RAD18: variants seen among roughly 807,000 people sequenced by gnomAD.
RAD18 encodes RAD18 E3 ubiquitin protein ligase.
Under a neutral mutation model 60.4 loss-of-function variants are expected in RAD18, and 47 were observed. The observed-to-expected ratio is 0.78, with a 90% CI of 0.62 to 0.99. The LOEUF is 0.99. RAD18 is among the 50% of genes least tolerant of loss of function. The pLI, the probability that RAD18 is intolerant of heterozygous loss-of-function variation, is 0.00. For missense variants in RAD18, 640 were observed against 593.3 expected (o/e 1.08, Z -0.82); for synonymous variants, 225 against 195.5 (o/e 1.15, Z -1.26).
At chr3:8,940,691 GA>G (rs759365800) in intron 5 of RAD18, among the ~76,000 whole-genome samples, 22 of 152,290 alleles carry the variant, frequency 1.4e-4, no homozygotes, top group Non-Finnish European at 2.8e-4. Flanking sequence ...AAACAGTCCA[GA>G]AAACAAGTGC....
At chr3:8,946,320 T>C (rs560744753) in intron 4 of RAD18, among the ~76,000 whole-genome samples, 2 of 152,344 alleles carry the variant, frequency 1.3e-5, no homozygotes, top group African/African-American at 4.8e-5. Flanking sequence ...CCATATAGAA[T>C]AGGAGTGTAG....
intron 7 of RAD18, among the ~76,000 whole-genome samples, chr3:8,923,619 C>A (rs1208507996): frequency 1.3e-5 from 2 of 152,074 alleles, no homozygotes; most frequent in Non-Finnish European, 2.9e-5. Context: ...TTGACAGATT[C>A]ACCAAAGTTG....
intron 8 of RAD18, 72 bp from the exon 9 acceptor site, chr3:8,912,444 CA>C: frequency 9.7e-7 from 1 of 1,034,386 alleles, no homozygotes; most frequent in Non-Finnish European, 1.4e-6. Flanking sequence ...TACAAACCTT[CA>C]AATCTCAAAT....
Position 8,935,858 on chromosome 3 carries a change from T to C in RAD18, c.889+13A>G. 5 of 1,548,846 alleles carry C rather than the reference T, an allele frequency of 3.2e-6. No individual in the cohort carries two copies. In the South Asian group the frequency reaches 6.2e-5, roughly 19 times the overall value. ...CCAGAAAGTAAGCATAACTCACTGT[T>C]TTATTACTTTACCTGATTTAGGATG... On this transcript the variant is annotated intron_variant, in intron 7 of 12. Transcript: ENST00000264926.
At chr3:8,942,339 T>C (rs1268772837) in intron 4 of RAD18, among the ~76,000 whole-genome samples, 1 of 152,194 alleles carries the variant, frequency 6.6e-6, no homozygotes, top group Non-Finnish European at 1.5e-5. Context: ...CATGACATGC[T>C]GCCCGTCTTT....
chr3:8,891,651 G>A (rs1032380126), intron 11 of RAD18, among the ~76,000 whole-genome samples: 4 of 152,142 alleles, frequency 2.6e-5, no homozygotes, highest in Non-Finnish European at 4.4e-5. Context: ...CAGCTCCCTG[G>A]TGTCTTCAAT....
In RAD18 at chr3:8,913,723, GTTAAAATAAGAAA is replaced by G. The variant is rs1173743467; in HGVS notation, c.890-16_890-4del. 1 of 1,533,040 alleles carries G rather than the reference GTTAAAATAAGAAA, an allele frequency of 6.5e-7. No homozygotes were observed. The highest frequency in any genetic ancestry group is 1.9e-5 in the Admixed American group (1 of 51,312). 95.0% of individuals were successfully genotyped at this position (1,533,040 alleles called of 1,614,324 possible). A position where few individuals can be genotyped will look rare whatever the true frequency, so the allele number is the denominator to read the frequency against. On this transcript the variant is annotated splice_region_variant and splice_polypyrimidine_tract_variant and intron_variant, in intron 7 of 12. Coordinates refer to ENST00000264926, the MANE Select transcript of RAD18 (RefSeq NM_020165.4). Reference sequence around the variant, plus strand: ...GATTTCTCGAACTATTTCAGCAGCTGTTAAAATAAGAAAATAACCACTAGGTTAATCACATGTC... The same window carrying G: ...GATTTCTCGAACTATTTCAGCAGCTGATAACCACTAGGTTAATCACATGTC...
At chr3:8,958,444 T>G (rs1472152726) in intron 2 of RAD18, among the ~76,000 whole-genome samples, 1 of 152,246 alleles carries the variant, frequency 6.6e-6, no homozygotes, top group Non-Finnish European at 1.5e-5. Flanking sequence ...AACATGAGTC[T>G]TTCCAGCGTC....
At chr3:8,885,665 G>A (rs1036473446) in intron 12 of RAD18, among the ~76,000 whole-genome samples, 13 of 152,180 alleles carry the variant, frequency 8.5e-5, no homozygotes, top group Non-Finnish European at 1.6e-4. Flanking sequence ...GGAGGGAAGA[G>A]GGAAAAGGGA....
At chr3:8,921,382 A>G (rs1940317288) in intron 7 of RAD18, among the ~76,000 whole-genome samples, 1 of 152,176 alleles carries the variant, frequency 6.6e-6, no homozygotes, top group Non-Finnish European at 1.5e-5. Flanking sequence ...TCCAGGCACA[A>G]TGTTCATGCC....
intron 7 of RAD18, among the ~76,000 whole-genome samples, chr3:8,918,264 G>C (rs1177155896): frequency 7.1e-6 from 1 of 141,522 alleles, no homozygotes; most frequent in Non-Finnish European, 1.5e-5. Context: ...GTTGTAGTGA[G>C]CTGAGATGGT....
chr3:8,963,431 G>C lies in RAD18; in HGVS notation c.-46C>G, dbSNP rs754485106. 44 of 1,524,048 alleles carry C rather than the reference G, an allele frequency of 2.9e-5. No homozygotes were observed. Among genetic ancestry groups the C allele is most frequent in the Non-Finnish European group, 3.9e-5 (44 of 1,117,484 alleles). 94.4% of individuals were successfully genotyped at this position (1,524,048 alleles called of 1,614,324 possible). A position where few individuals can be genotyped will look rare whatever the true frequency, so the allele number is the denominator to read the frequency against. On this transcript the variant is annotated 5_prime_UTR_variant, in exon 1 of 13. Transcript: ENST00000264926. The stretch of plus-strand genomic sequence containing the variant: ...GGGGTCAGCCACCCACTAGCCTCCG[G>C]CGCTCCAACACCACTCGAAATTCCC...
At chr3:8,920,979 T>C (rs999747601) in intron 7 of RAD18, among the ~76,000 whole-genome samples, 2 of 152,244 alleles carry the variant, frequency 1.3e-5, no homozygotes, top group Non-Finnish European at 2.9e-5. Context: ...CTACAAGTAC[T>C]AACTACAGTG....
intron 6 of RAD18, among the ~76,000 whole-genome samples, chr3:8,936,273 G>A (rs1940651658): frequency 6.6e-6 from 1 of 152,172 alleles, no homozygotes; most frequent in South Asian, 2.1e-4. Flanking sequence ...AGGGGCCTAG[G>A]TGGCACCAGA....
chr3:8,912,016 T>C (rs1459371930), intron 9 of RAD18, among the ~76,000 whole-genome samples: 1 of 152,184 alleles, frequency 6.6e-6, no homozygotes, highest in Non-Finnish European at 1.5e-5. Flanking sequence ...GTCCCGAATG[T>C]TTCCATTTTA....
At chr3:8,943,404 T>A (rs1339516600) in intron 4 of RAD18, among the ~76,000 whole-genome samples, 1 of 150,904 alleles carries the variant, frequency 6.6e-6, no homozygotes, top group Non-Finnish European at 1.5e-5. Flanking sequence ...AAGAATAAAA[T>A]GAACATTCTA....
intron 1 of RAD18, among the ~76,000 whole-genome samples, chr3:8,960,176 G>A (rs973443211): frequency 1.3e-5 from 2 of 152,092 alleles, no homozygotes; most frequent in African/African-American, 2.4e-5. Context: ...GAGTAGTGGC[G>A]CATGCCTGTA....
intron 7 of RAD18, among the ~76,000 whole-genome samples, chr3:8,923,036 CA>C (rs1420197569): frequency 7.9e-5 from 12 of 152,228 alleles, no homozygotes; most frequent in Admixed American, 6.5e-4. Context: ...TGCAGCTCCT[CA>C]CCAGCAACAG....
intron 9 of RAD18, among the ~76,000 whole-genome samples, chr3:8,910,192 G>A (rs183350684): frequency 6.6e-6 from 1 of 152,196 alleles, no homozygotes; most frequent in Non-Finnish European, 1.5e-5. Context: ...AAAATAATGA[G>A]TTATAATCAA....
Sources: gnomAD v4.1 joint callset for allele counts (sites outside exome capture counted in the v4.1 genomes callset) on GRCh38, gnomAD v4.1.1 for gene constraint, MANE v1.5 for transcripts, NCBI Gene and HGNC (gene_info 2026-07-23, HGNC 2026-07-21) for gene names.